Variants in RABGEF1 observed in about 807,000 individuals in gnomAD.
RABGEF1 encodes the protein RAB guanine nucleotide exchange factor 1, also known as rab5 GDP/GTP exchange factor.
Under a neutral mutation model 57.3 loss-of-function variants are expected in RABGEF1, and 26 were observed. That is an observed-to-expected ratio of 0.45 (90% confidence interval 0.33 to 0.63). The LOEUF (loss-of-function observed/expected upper bound fraction) is 0.63, where lower values mean the gene tolerates loss of function less well. Ranked by LOEUF, RABGEF1 falls within the 20% of genes least tolerant of loss-of-function variation. RABGEF1 has a pLI of 0.02. For synonymous variants in RABGEF1, 185 were observed against 210.7 expected (o/e 0.88, Z 1.06); for missense variants, 464 against 607.6 (o/e 0.76, Z 2.48).
chr7:66,742,961 T>C (rs1355874634), intron 1 of RABGEF1, among the ~76,000 whole-genome samples: 1 of 152,274 alleles, frequency 6.6e-6, no homozygotes, highest in African/African-American at 2.4e-5. Context: ...TCAGGCTTCC[T>C]CTGATGGTGA....
chr7:66,692,642 G>T (rs1387170683), intron 1 of RABGEF1, among the ~76,000 whole-genome samples: 1 of 152,164 alleles, frequency 6.6e-6, no homozygotes, highest in African/African-American at 2.4e-5. Flanking sequence ...GTTCTAAGTG[G>T]TGGGACTGGG....
intron 1 of RABGEF1, among the ~76,000 whole-genome samples, chr7:66,765,430 T>C (rs1266243510): frequency 6.6e-6 from 1 of 152,036 alleles, no homozygotes; most frequent in Non-Finnish European, 1.5e-5. Context: ...AGAGCATCTG[T>C]ACAAGTCTTT....
At chr7:66,730,193 C>T (rs924295911) in intron 2 of RABGEF1, among the ~76,000 whole-genome samples, 1 of 152,194 alleles carries the variant, frequency 6.6e-6, no homozygotes, top group Non-Finnish European at 1.5e-5. Context: ...AGGCTCCTGT[C>T]CCCTGAGGGA....
rs888301191 is a variant in RABGEF1, at chr7:66,730,557, CTT to C, written c.-814-9422_-814-9421del. On this transcript the variant is annotated intron_variant and NMD_transcript_variant, in intron 2 of 9. Transcript: ENST00000607882. Reference sequence around the variant, plus strand: ...CACATATAGCACTTGGTTTCTTTTTCTTTTTTTTTTTTTTTTTTGGTGGCAGG... The same window carrying C: ...CACATATAGCACTTGGTTTCTTTTTCTTTTTTTTTTTTTTTTGGTGGCAGG... 1.8e-3 allele frequency among the ~76,000 whole-genome samples: 237 copies of C among 130,782 alleles called. 1 individual carries two copies. Among genetic ancestry groups the C allele is most frequent in the African/African-American group, 4.6e-3 (166 of 35,972 alleles). The allele number at this position is 130,782 out of a possible 152,430, so 85.8% of individuals were successfully genotyped here.
intron 1 of RABGEF1, among the ~76,000 whole-genome samples, chr7:66,760,442 A>ATTTTTTTTTTTTTTTTTTTT (rs1024130038): frequency 7.9e-6 from 1 of 126,156 alleles, no homozygotes; most frequent in Non-Finnish European, 1.7e-5. Flanking sequence ...GTTAGCATGT[A>ATTTTTTTTTTTTTTTTTTTT]TTTTTTTTTT....
At chr7:66,747,290 G>A (rs986581708) in intron 1 of RABGEF1, among the ~76,000 whole-genome samples, 1 of 152,194 alleles carries the variant, frequency 6.6e-6, no homozygotes, top group Non-Finnish European at 1.5e-5. Flanking sequence ...CCCAGTAACA[G>A]TGAGCAGATT....
At chr7:66,749,975 A>AAAAC (rs767603168) in intron 1 of RABGEF1, among the ~76,000 whole-genome samples, 1 of 152,222 alleles carries the variant, frequency 6.6e-6, no homozygotes, top group Non-Finnish European at 1.5e-5. Context: ...CTCCATCTCA[A>AAAAC]AAACAAACAA....
the RABGEF1 span, among the ~76,000 whole-genome samples, chr7:66,669,479 C>T: frequency 3.3e-5 from 5 of 152,104 alleles, no homozygotes; most frequent in Non-Finnish European, 5.9e-5. Flanking sequence ...GGCAGGGAGG[C>T]AGCAAAAGAC....
chr7:66,757,399 GTTTTA>G (rs1700729166), intron 1 of RABGEF1, among the ~76,000 whole-genome samples: 1 of 152,026 alleles, frequency 6.6e-6, no homozygotes, highest in Admixed American at 6.6e-5. Context: ...CATTAATAGT[GTTTTA>G]TTTTCTTTAG....
intron 4 of RABGEF1, among the ~76,000 whole-genome samples, chr7:66,792,784 C>T (rs1192522830): frequency 6.6e-6 from 1 of 152,152 alleles, no homozygotes; most frequent in Non-Finnish European, 1.5e-5. Context: ...TCAACCCATA[C>T]TGAGCACTAA....
intron 3 of RABGEF1, among the ~76,000 whole-genome samples, chr7:66,776,158 C>T (rs1391263317): frequency 6.6e-6 from 1 of 152,140 alleles, no homozygotes; most frequent in Non-Finnish European, 1.5e-5. Flanking sequence ...ATGAGGGAGA[C>T]TGGGAACCAA....
At chr7:66,724,734 GT>G in intron 2 of RABGEF1, among the ~76,000 whole-genome samples, 1 of 152,262 alleles carries the variant, frequency 6.6e-6, no homozygotes, top group Non-Finnish European at 1.5e-5. Context: ...CAAATTTATA[GT>G]TTGAAAAAAA....
intron 2 of RABGEF1, among the ~76,000 whole-genome samples, chr7:66,733,848 T>TA (rs779373519): frequency 6.6e-6 from 1 of 151,884 alleles, no homozygotes; most frequent in South Asian, 2.1e-4. Flanking sequence ...ACCAAAAATA[T>TA]AAAAAAATTA....
chr7:66,711,777 G>A (rs1162606222), intron 1 of RABGEF1, among the ~76,000 whole-genome samples: 5 of 151,900 alleles, frequency 3.3e-5, no homozygotes, highest in African/African-American at 9.7e-5. Flanking sequence ...TAGTAGAGAC[G>A]GAGTTTCACC....
chr7:66,774,759 C>CAATA (rs1808100281), intron 2 of RABGEF1, among the ~76,000 whole-genome samples: 1 of 152,104 alleles, frequency 6.6e-6, no homozygotes, highest in East Asian at 1.9e-4. Flanking sequence ...CACTCTGTCT[C>CAATA]AAAAACAACC....
the RABGEF1 span, among the ~76,000 whole-genome samples, chr7:66,656,304 A>T: frequency 6.6e-6 from 1 of 152,130 alleles, no homozygotes; most frequent in Non-Finnish European, 1.5e-5. Flanking sequence ...TTTTGTAAAG[A>T]TGGAGTCTTG....
chr7:66,783,858 C>T lies in RABGEF1; in HGVS notation c.513+17C>T. 1.1e-5 allele frequency: 17 copies of T among 1,603,718 alleles called. No individual in the cohort carries two copies. The highest frequency in any genetic ancestry group is 1.4e-5 in the Non-Finnish European group (17 of 1,174,312). Reference sequence around the variant, plus strand: ...TACAAAAGGGTAGGTTGAGAATAACCACGTAGAAACATAGAGTTTTGGTTT... The same window carrying T: ...TACAAAAGGGTAGGTTGAGAATAACTACGTAGAAACATAGAGTTTTGGTTT... On this transcript the variant is annotated intron_variant, in intron 4 of 8. Transcript: ENST00000284957.
the RABGEF1 span, among the ~76,000 whole-genome samples, chr7:66,659,398 G>A: frequency 6.6e-6 from 1 of 151,394 alleles, no homozygotes; most frequent in East Asian, 2.0e-4. Context: ...GTGGCTGTGA[G>A]CCGACATTGC....
At chr7:66,700,568 T>G (rs1793103451) in intron 1 of RABGEF1, among the ~76,000 whole-genome samples, 1 of 151,176 alleles carries the variant, frequency 6.6e-6, no homozygotes. Context: ...GCTGGGACAG[T>G]GAGGAGGAGT....
Sources: gnomAD v4.1 joint callset for allele counts (sites outside exome capture counted in the v4.1 genomes callset) on GRCh38, gnomAD v4.1.1 for gene constraint, MANE v1.5 for transcripts, NCBI Gene and HGNC (gene_info 2026-07-23, HGNC 2026-07-21) for gene names.